PIGL: variants seen among roughly 807,000 people sequenced by gnomAD.
PIGL encodes the protein N-acetylglucosaminyl-phosphatidylinositol de-N-acetylase.
In PIGL, 22 loss-of-function variants were observed where a neutral mutation model predicts 31.1. The ratio of observed to expected loss-of-function variants is 0.71; its 90% CI spans 0.51 to 1.01. The LOEUF is 1.01. PIGL is among the 50% of genes least tolerant of loss of function. The pLI is 0.00. For synonymous variants in PIGL, 131 were observed against 117.4 expected (o/e 1.12, Z -0.75); for missense variants, 302 against 315.9 (o/e 0.96, Z 0.33).
chr17:16,282,101 C>A, intron 2 of PIGL: 1 of 504,064 alleles, frequency 2.0e-6, no homozygotes, highest in Non-Finnish European at 4.1e-6. Context: ...GAGAATAATT[C>A]ACCCTACAGA....
chr17:16,290,695 G>C (rs749828134), intron 2 of PIGL, among the ~76,000 whole-genome samples: 1 of 145,846 alleles, frequency 6.9e-6, no homozygotes, highest in Non-Finnish European at 1.5e-5. Context: ...AGACTTTTTT[G>C]TTGTTGTTGT....
chr17:16,219,167 C>T (rs2092614269), intron 1 of PIGL, among the ~76,000 whole-genome samples: 2 of 150,072 alleles, frequency 1.3e-5, no homozygotes, highest in South Asian at 2.1e-4. Flanking sequence ...CCTGGGTTCA[C>T]GCCCTTCTTT....
intron 2 of PIGL, among the ~76,000 whole-genome samples, chr17:16,259,744 G>A (rs1568804159): frequency 6.6e-6 from 1 of 152,162 alleles, no homozygotes; most frequent in Non-Finnish European, 1.5e-5. Context: ...ACTGGTGGGG[G>A]AGTGGGCATG....
intron 1 of PIGL, among the ~76,000 whole-genome samples, chr17:16,227,932 G>T (rs2092659826): frequency 6.6e-6 from 1 of 151,658 alleles, no homozygotes; most frequent in Non-Finnish European, 1.5e-5. Context: ...GTTTTATAGG[G>T]ATAACGCCTA....
chr17:16,288,042 A>G (rs965460442), intron 2 of PIGL, among the ~76,000 whole-genome samples: 1 of 152,232 alleles, frequency 6.6e-6, no homozygotes, highest in Admixed American at 6.5e-5. Flanking sequence ...ACAGCAGTAC[A>G]TAACAGTGCC....
At chr17:16,263,102 G>A (rs2092825924) in intron 2 of PIGL, among the ~76,000 whole-genome samples, 1 of 150,188 alleles carries the variant, frequency 6.7e-6, no homozygotes, top group Non-Finnish European at 1.5e-5. Context: ...TTGGGGGGGG[G>A]GGATGAAAAT....
At position 16,326,134 on chromosome 17, in the gene PIGL, T is replaced by C. The variant is rs2142885099; in HGVS notation, c.*236T>C. On this transcript the variant is annotated 3_prime_UTR_variant, in exon 7 of 7. Transcript: ENST00000225609. ...CCAAGGATAATAATAGCTACACTGC[T>C]AGCTTCTCAAGTTCTTGTGAAAAAC... is the stretch of plus-strand genomic sequence containing the variant. 1 of 497,348 alleles carries C rather than the reference T, an allele frequency of 2.0e-6. No individual in the cohort carries two copies. The highest frequency in any genetic ancestry group is 3.2e-5 in the East Asian group (1 of 31,010). 30.8% of individuals were successfully genotyped at this position (497,348 alleles called of 1,614,324 possible).
intron 2 of PIGL, among the ~76,000 whole-genome samples, chr17:16,247,095 CTCCTT>C (rs762737427): frequency 3.1e-4 from 47 of 152,172 alleles, no homozygotes; most frequent in Non-Finnish European, 5.7e-4. Flanking sequence ...CTCTCACTCT[CTCCTT>C]CTTCCCTCCC....
At chr17:16,274,707 G>A (rs921091756) in intron 2 of PIGL, among the ~76,000 whole-genome samples, 3 of 149,498 alleles carry the variant, frequency 2.0e-5, no homozygotes, top group African/African-American at 5.0e-5. Flanking sequence ...TGGGGGACAA[G>A]AGCAAGACTA....
intron 2 of PIGL, among the ~76,000 whole-genome samples, chr17:16,254,905 A>G (rs1156969316): frequency 2.0e-5 from 3 of 152,256 alleles, no homozygotes; most frequent in Non-Finnish European, 4.4e-5. Context: ...CCTGGCCCAT[A>G]TACACTAGTT....
rs529623663 is a variant in PIGL at position 16,300,380 on chromosome 17, C to CT, written c.426+405dup. Among the ~76,000 whole-genome samples the CT allele has an allele frequency of 1.4e-3, 212 of 152,194 alleles. 1 individual carries two copies. Among genetic ancestry groups the CT allele is most frequent in the African/African-American group, 4.6e-3 (192 of 41,530 alleles). On this transcript the variant is annotated intron_variant, in intron 3 of 6. Transcript: ENST00000225609. ...GCATTTTCACAGAGTATCATTTTAA[C>CT]TTTAAAAGTAAAATTTGTGACTGGG...
intron 2 of PIGL, among the ~76,000 whole-genome samples, chr17:16,276,100 T>C (rs2092894144): frequency 6.6e-6 from 1 of 152,210 alleles, no homozygotes; most frequent in African/African-American, 2.4e-5. Flanking sequence ...GAAAGATTAA[T>C]AAGTGTTCAA....
chr17:16,235,371 T>G (rs2092695164), intron 2 of PIGL, among the ~76,000 whole-genome samples: 1 of 152,054 alleles, frequency 6.6e-6, no homozygotes, highest in South Asian at 2.1e-4. Context: ...GAAACTGAAT[T>G]ATGTTGTCAT....
intron 2 of PIGL, among the ~76,000 whole-genome samples, chr17:16,299,132 C>T (rs541375494): frequency 6.6e-5 from 10 of 151,712 alleles, no homozygotes; most frequent in African/African-American, 1.9e-4. Flanking sequence ...TGCTTGAACC[C>T]GGGAGGTGGA....
rs147752096 is a variant in PIGL, at chr17:16,249,124, A to G, written c.335+15054A>G. On this transcript the variant is annotated intron_variant, in intron 2 of 6. Transcript: ENST00000225609. ...CTGTGGTTTCGGTTACCTGCAGTCA[A>G]CTGTGGTCTAAAAATATTAAATGGA... Among the ~76,000 whole-genome samples, 625 of 152,342 alleles carry G rather than the reference A, an allele frequency of 4.1e-3. 7 individuals are homozygous for G. The highest frequency in any genetic ancestry group is 0.014 in the African/African-American group (602 of 41,576).
chr17:16,284,374 C>A (rs888698548), intron 2 of PIGL, among the ~76,000 whole-genome samples: 4 of 152,184 alleles, frequency 2.6e-5, no homozygotes, highest in African/African-American at 9.7e-5. Context: ...CGCACCCAGC[C>A]AGTTCATAGT....
At chr17:16,281,374 T>C (rs1355198480) in intron 2 of PIGL, among the ~76,000 whole-genome samples, 1 of 152,226 alleles carries the variant, frequency 6.6e-6, no homozygotes, top group East Asian at 1.9e-4. Context: ...TCTAAAAGAA[T>C]ATCAACGGCT....
intron 3 of PIGL, among the ~76,000 whole-genome samples, chr17:16,308,331 C>CAAAAAAA (rs146255775): frequency 3.3e-5 from 5 of 149,656 alleles, no homozygotes; most frequent in Admixed American, 6.7e-5. Flanking sequence ...AACTCCGTCT[C>CAAAAAAA]AAAAAAAAAG....
At chr17:16,227,931 G>A (rs1466868201) in intron 1 of PIGL, among the ~76,000 whole-genome samples, 1 of 151,552 alleles carries the variant, frequency 6.6e-6, no homozygotes, top group Non-Finnish European at 1.5e-5. Context: ...TGTTTTATAG[G>A]GATAACGCCT....
Sources: gnomAD v4.1 joint callset for allele counts (sites outside exome capture counted in the v4.1 genomes callset) on GRCh38, gnomAD v4.1.1 for gene constraint, MANE v1.5 for transcripts, NCBI Gene and HGNC (gene_info 2026-07-23, HGNC 2026-07-21) for gene names.